CADM2: variants seen among roughly 807,000 people sequenced by gnomAD.
CADM2 encodes immunoglobulin superfamily member 4D.
Under a neutral mutation model 49.8 loss-of-function variants are expected in CADM2, and 12 were observed. That is an observed-to-expected ratio of 0.24 (90% CI 0.15 to 0.39). The LOEUF (loss-of-function observed/expected upper bound fraction) is 0.39. CADM2 is among the 10% of genes least tolerant of loss of function. The pLI, the probability that CADM2 is intolerant of heterozygous loss-of-function variation, is 1.00. For missense variants in CADM2, 378 were observed against 492.3 expected, an observed-to-expected ratio of 0.77 and a Z score of 2.20; for synonymous variants, 214 against 175.4, an observed-to-expected ratio of 1.22 and a Z score of -1.74.
At chr3:85,060,006 C>T (rs539760423) in intron 1 of CADM2, among the ~76,000 whole-genome samples, 89 of 152,146 alleles carry the variant, frequency 5.8e-4, no homozygotes, top group Non-Finnish European at 9.8e-4. Context: ...TCATATCTCA[C>T]CCTACTTTAA....
intron 1 of CADM2, among the ~76,000 whole-genome samples, chr3:85,451,299 A>G (rs1049024058): frequency 2.0e-5 from 3 of 152,150 alleles, no homozygotes; most frequent in African/African-American, 7.2e-5. Flanking sequence ...GCATGTAGGG[A>G]AATTCAATGG....
At position 85,802,211 on chromosome 3, in the gene CADM2, T is replaced by C; in HGVS notation, c.238+15T>C. The C allele has an allele frequency of 6.3e-7, 1 of 1,596,466 alleles. No homozygotes were observed. The highest frequency in any genetic ancestry group is 8.5e-7 in the Non-Finnish European group (1 of 1,170,706). On this transcript the variant is annotated intron_variant, in intron 3 of 9. Coordinates refer to ENST00000383699, the MANE Select transcript of CADM2 (RefSeq NM_001167675.2). The stretch of plus-strand genomic sequence containing the variant: ...CGACAAGAAAGGTGAATACATTTTC[T>C]TTCAAATGTTTTAATCGTATTCTAA...
At chr3:85,106,459 C>T (rs944334617) in intron 1 of CADM2, among the ~76,000 whole-genome samples, 3 of 152,060 alleles carry the variant, frequency 2.0e-5, no homozygotes, top group Admixed American at 6.6e-5. Context: ...CATCCCAGTA[C>T]ATAGTTTTAA....
chr3:85,768,017 C>A (rs138386852), intron 2 of CADM2, among the ~76,000 whole-genome samples: 1 of 151,988 alleles, frequency 6.6e-6, no homozygotes, highest in African/African-American at 2.4e-5. Context: ...ATTGTTCAGA[C>A]GATAATGTAT....
chr3:85,289,844 G>C (rs1219494499), intron 1 of CADM2, among the ~76,000 whole-genome samples: 2 of 152,152 alleles, frequency 1.3e-5, no homozygotes, highest in African/African-American at 2.4e-5. Context: ...ATGTTAGATA[G>C]TTACTAAAAT....
intron 1 of CADM2, among the ~76,000 whole-genome samples, chr3:85,179,604 G>A (rs2040873949): frequency 6.6e-6 from 1 of 151,732 alleles, no homozygotes; most frequent in South Asian, 2.1e-4. Context: ...TATTATTAAG[G>A]TACTATTTAA....
At chr3:85,956,671 G>A (rs73843525) in intron 7 of CADM2, among the ~76,000 whole-genome samples, 1 of 112,836 alleles carries the variant, frequency 8.9e-6, no homozygotes, top group African/African-American at 3.3e-5. Context: ...TTTTTTTTTT[G>A]AAAAATTTTG....
At chr3:85,402,743 A>T (rs753319299) in intron 1 of CADM2, among the ~76,000 whole-genome samples, 7 of 152,184 alleles carry the variant, frequency 4.6e-5, no homozygotes, top group Admixed American at 1.3e-4. Flanking sequence ...TCTTGATGCC[A>T]ATGCCTGTGT....
intron 1 of CADM2, among the ~76,000 whole-genome samples, chr3:84,993,177 C>T (rs915195237): frequency 1.1e-4 from 16 of 151,994 alleles, no homozygotes; most frequent in Admixed American, 3.9e-4. Flanking sequence ...GCTTGTTTAT[C>T]GGGCCCAAGT....
chr3:84,969,905 T>C (rs13088475), intron 1 of CADM2, among the ~76,000 whole-genome samples: 7,069 of 152,020 alleles, frequency 0.047, 205 homozygotes, highest in South Asian at 0.087. Context: ...AAAATATTCC[T>C]GATGATGACT....
At chr3:85,671,811 A>G (rs1300893048) in intron 1 of CADM2, among the ~76,000 whole-genome samples, 1 of 152,178 alleles carries the variant, frequency 6.6e-6, no homozygotes, top group Non-Finnish European at 1.5e-5. Flanking sequence ...CTTTGTGTAT[A>G]TACTCATTCT....
chr3:85,280,461 G>A (rs113647223), intron 1 of CADM2, among the ~76,000 whole-genome samples: 9,994 of 150,928 alleles, frequency 0.066, 1,079 homozygotes, highest in African/African-American at 0.23. Context: ...GTTGTTTTTC[G>A]CTTGCAACTT....
chr3:85,270,012 C>T (rs1401609068), intron 1 of CADM2, among the ~76,000 whole-genome samples: 1 of 151,070 alleles, frequency 6.6e-6, no homozygotes, highest in Non-Finnish European at 1.5e-5. Context: ...AAAAAAGAAG[C>T]ATCATCTTCA....
At chr3:85,339,263 C>CT (rs1167176931) in intron 1 of CADM2, among the ~76,000 whole-genome samples, 1 of 151,372 alleles carries the variant, frequency 6.6e-6, no homozygotes, top group Admixed American at 6.6e-5. Context: ...GGTAAATTAT[C>CT]TCAGTGTGTT....
At position 85,127,881 on chromosome 3, in the gene CADM2, T is replaced by C. The variant is rs113263002; in HGVS notation, c.61+168213T>C. On this transcript the variant is annotated intron_variant, in intron 1 of 9. Coordinates refer to ENST00000383699, the MANE Select transcript of CADM2 (RefSeq NM_001167675.2). ...ACAATTTCCAATAAATGTGATCAAATACAATCTACGTTTGCCCCAAACAAT... is the reference window on the plus strand; with the variant it reads ...ACAATTTCCAATAAATGTGATCAAACACAATCTACGTTTGCCCCAAACAAT... 6.9e-3 allele frequency among the ~76,000 whole-genome samples: 1,049 copies of C among 152,262 alleles called. 10 individuals carry two copies. Among genetic ancestry groups the C allele is most frequent in the African/African-American group, 0.023 (960 of 41,556 alleles).
chr3:85,127,552 G>C (rs77969516), intron 1 of CADM2, among the ~76,000 whole-genome samples: 4,597 of 152,222 alleles, frequency 0.03, 100 homozygotes, highest in South Asian at 0.044. Context: ...TTTTAAAGTC[G>C]TGAATTCCCT....
intron 1 of CADM2, among the ~76,000 whole-genome samples, chr3:85,663,256 A>T (rs1044340380): frequency 6.6e-6 from 1 of 152,014 alleles, no homozygotes; most frequent in Non-Finnish European, 1.5e-5. Context: ...CTTGAAGTGA[A>T]ATAAAGCTGA....
At chr3:85,776,732 G>T (rs2070378632) in intron 2 of CADM2, among the ~76,000 whole-genome samples, 1 of 151,972 alleles carries the variant, frequency 6.6e-6, no homozygotes, top group African/African-American at 2.4e-5. Context: ...AGGCATTTTT[G>T]ATAAAATATT....
intron 8 of CADM2, among the ~76,000 whole-genome samples, chr3:86,037,438 A>G (rs2107203088): frequency 6.6e-6 from 1 of 152,154 alleles, no homozygotes; most frequent in South Asian, 2.1e-4. Flanking sequence ...TGACTTTAAG[A>G]GAGGGGGGCA....
Sources: allele counts gnomAD v4.1 joint callset (sites outside exome capture counted in the v4.1 genomes callset), GRCh38; gene constraint gnomAD v4.1.1; transcripts MANE v1.5; gene names NCBI Gene and HGNC (gene_info 2026-07-23, HGNC 2026-07-21).